The following ANGPTL2 variants were observed in gnomAD, a reference collection of about 807,000 sequenced individuals.
The protein encoded by ANGPTL2 is angiopoietin like 2.
A neutral mutation model predicts 52.8 loss-of-function variants in ANGPTL2; 25 were observed. The ratio of observed to expected loss-of-function variants is 0.47; its 90% CI spans 0.35 to 0.66. The LOEUF (loss-of-function observed/expected upper bound fraction) is 0.66. Ranked by LOEUF, ANGPTL2 falls within the 30% of genes least tolerant of loss-of-function variation. The pLI is 0.01. For synonymous variants in ANGPTL2, 276 were observed against 277.4 expected, an observed-to-expected ratio of 1.00 and a Z score of 0.05; for missense variants, 546 against 656.9, an observed-to-expected ratio of 0.83 and a Z score of 1.84.
At chr9:127,113,627 G>A (rs983603316) in intron 1 of ANGPTL2, among the ~76,000 whole-genome samples, 2 of 151,596 alleles carry the variant, frequency 1.3e-5, no homozygotes, top group African/African-American at 4.9e-5. Context: ...GTTTTCCTTG[G>A]CTTCAGAATT....
chr9:127,107,641 G>A (rs2137069292), intron 2 of ANGPTL2, among the ~76,000 whole-genome samples: 2 of 152,298 alleles, frequency 1.3e-5, no homozygotes, highest in Admixed American at 1.3e-4. Context: ...CAGGCTCTGG[G>A]TTCTTTCCTG....
At chr9:127,093,291 C>T (rs1294864665) in intron 3 of ANGPTL2, among the ~76,000 whole-genome samples, 5 of 152,182 alleles carry the variant, frequency 3.3e-5, no homozygotes, top group Admixed American at 2.0e-4. Flanking sequence ...TGCCACAACT[C>T]CCTACCAGGA....
At position 127,091,973 on chromosome 9, in the gene ANGPTL2, G is replaced by T. The variant is rs763578177; in HGVS notation, c.1012-33C>A. 6.2e-7 allele frequency: 1 copy of T among 1,604,624 alleles called. No homozygotes were observed. The highest frequency in any genetic ancestry group is 1.7e-5 in the Admixed American group (1 of 59,630). On this transcript the variant is annotated intron_variant, in intron 3 of 4. Transcript: ENST00000373425. This position sits in a 1 kb window ranked among gnomAD's most constrained non-coding sequence, Gnocchi z 4.3. ...AAACCCAGGAGAGTGTTAATGTGGA[G>T]CCTGCAGCACCTGCAGCCAGCAGGC...
At chr9:127,101,793 A>G (rs1199800157) in intron 2 of ANGPTL2, among the ~76,000 whole-genome samples, 2 of 152,176 alleles carry the variant, frequency 1.3e-5, no homozygotes, top group African/African-American at 2.4e-5. Context: ...CTTAATTTCA[A>G]CATTTAGGAG....
chr9:127,119,230 A>T (rs566496624), intron 1 of ANGPTL2, among the ~76,000 whole-genome samples: 1 of 152,306 alleles, frequency 6.6e-6, no homozygotes, highest in East Asian at 1.9e-4. Context: ...GCTCATCTCT[A>T]AGAGTAACAG....
At position 127,088,907 on chromosome 9, in the gene ANGPTL2, A is replaced by G; in HGVS notation, c.*32T>C. The G allele has an allele frequency of 1.4e-5, 22 of 1,613,792 alleles. No individual in the cohort carries two copies. Among genetic ancestry groups the G allele is most frequent in the Non-Finnish European group, 1.8e-5 (21 of 1,179,696 alleles). ...GCGTGACCAGGGTGGGCTCCTGGCA[A>G]TGGCCACGAGAGGTCAGGAGGGGGA... is the stretch of plus-strand genomic sequence containing the variant. On this transcript the variant is annotated 3_prime_UTR_variant, in exon 5 of 5. Transcript: ENST00000373425.
At chr9:127,113,004 G>T (rs187287675) in intron 1 of ANGPTL2, among the ~76,000 whole-genome samples, 24 of 152,286 alleles carry the variant, frequency 1.6e-4, no homozygotes, top group Admixed American at 1.4e-3. Flanking sequence ...GTCATGTTGC[G>T]AGCAGTGGGA....
Position 127,091,526 on chromosome 9 carries a change from GGGGTGGTAACA to G in ANGPTL2, c.1282+133_1282+143del. 1 of 1,123,240 alleles carries G rather than the reference GGGGTGGTAACA, an allele frequency of 8.9e-7. No homozygotes were observed. The highest frequency in any genetic ancestry group is 2.4e-5 in the East Asian group (1 of 42,090). 69.6% of individuals were successfully genotyped at this position (1,123,240 alleles called of 1,614,324 possible). ...TGTGGGCAGGAGAAGGGACCCTCAG[GGGGTGGTAACA>G]GGGTCAGGCAGCTTGGCCCAGCTGC... On this transcript the variant is annotated intron_variant, in intron 4 of 4. Coordinates refer to ENST00000373425, the MANE Select transcript of ANGPTL2 (RefSeq NM_012098.3). This position sits in a 1 kb window ranked among gnomAD's most constrained non-coding sequence, Gnocchi z 4.3.
chr9:127,104,639 G>A (rs1006018907), intron 2 of ANGPTL2, among the ~76,000 whole-genome samples: 3 of 152,194 alleles, frequency 2.0e-5, no homozygotes, highest in Non-Finnish European at 4.4e-5. Flanking sequence ...TCCTGGCCTG[G>A]GACCACCCTG....
At position 127,088,916 on chromosome 9, in the gene ANGPTL2, A is replaced by G. The variant is rs371100982; in HGVS notation, c.*23T>C. On this transcript the variant is annotated 3_prime_UTR_variant, in exon 5 of 5. Transcript: ENST00000373425. ...GGGTGGGCTCCTGGCAATGGCCACG[A>G]GAGGTCAGGAGGGGGAGCTGGCTTA... The G allele has an allele frequency of 2.2e-5, 35 of 1,614,146 alleles. No homozygotes were observed. Among genetic ancestry groups the G allele is most frequent in the Non-Finnish European group, 2.4e-5 (28 of 1,179,982 alleles).
intron 1 of ANGPTL2, among the ~76,000 whole-genome samples, chr9:127,116,969 C>T (rs947791147): frequency 2.0e-5 from 3 of 152,160 alleles, no homozygotes; most frequent in Non-Finnish European, 2.9e-5. Flanking sequence ...GCCTCCCTGC[C>T]TTTGGGTGCT....
intron 1 of ANGPTL2, among the ~76,000 whole-genome samples, chr9:127,121,612 G>A (rs911889324): frequency 6.6e-6 from 1 of 152,244 alleles, no homozygotes; most frequent in African/African-American, 2.4e-5. Flanking sequence ...GCTTTCAGGC[G>A]ACTTGGTATG....
intron 2 of ANGPTL2, among the ~76,000 whole-genome samples, chr9:127,107,659 C>G (rs2054349451): frequency 3.3e-5 from 5 of 152,164 alleles, no homozygotes; most frequent in Admixed American, 3.3e-4. Context: ...CTGTCAGAAA[C>G]CAGAGAGTGT....
intron 1 of ANGPTL2, among the ~76,000 whole-genome samples, chr9:127,112,197 T>G (rs1229557586): frequency 6.6e-6 from 1 of 152,228 alleles, no homozygotes. Flanking sequence ...AGCTTCTGGT[T>G]TGGGCTCTGC....
chr9:127,114,824 T>G (rs1460048622), intron 1 of ANGPTL2, among the ~76,000 whole-genome samples: 2 of 152,384 alleles, frequency 1.3e-5, no homozygotes, highest in African/African-American at 4.8e-5. Context: ...AAGCCTGAGC[T>G]GTGCTTGAGT....
chr9:127,093,388 C>T (rs532350373), intron 3 of ANGPTL2, among the ~76,000 whole-genome samples: 122 of 152,226 alleles, frequency 8.0e-4, no homozygotes, highest in African/African-American at 2.8e-3. Context: ...CCATGGAAAC[C>T]CCACTTGGGA....
At chr9:127,089,236 A>G in intron 4 of ANGPTL2, 98 bp from the exon 5 acceptor site, 2 of 1,314,228 alleles carry the variant, frequency 1.5e-6, no homozygotes, top group Non-Finnish European at 2.2e-6. Flanking sequence ...TCTGGGAGGC[A>G]TCTGGAGCAA....
rs549546469 is a variant in ANGPTL2, at chr9:127,088,791, G to C, written c.*148C>G. The C allele has an allele frequency of 1.2e-6, 1 of 867,872 alleles. No homozygotes were observed. Among genetic ancestry groups the C allele is most frequent in the Admixed American group, 2.4e-5 (1 of 42,008 alleles). 53.8% of individuals were successfully genotyped at this position (867,872 alleles called of 1,614,324 possible). On this transcript the variant is annotated 3_prime_UTR_variant, in exon 5 of 5. Transcript: ENST00000373425. ...CCGTATCGATTCAGTTCCATCATCC[G>C]CTGCAGTGACTTCGGAAAACAGAAT...
intron 1 of ANGPTL2, among the ~76,000 whole-genome samples, chr9:127,119,130 G>C (rs530828032): frequency 6.6e-6 from 1 of 152,290 alleles, no homozygotes; most frequent in South Asian, 2.1e-4. Context: ...CAGGCACGTG[G>C]AACAAGTCAG....
Sources: allele counts gnomAD v4.1 joint callset (sites outside exome capture counted in the v4.1 genomes callset), GRCh38; gene constraint gnomAD v4.1.1; non-coding constraint Gnocchi (gnomAD v3.1); transcripts MANE v1.5; gene names NCBI Gene and HGNC (gene_info 2026-07-23, HGNC 2026-07-21).